TSPAN5: variants seen among roughly 807,000 people sequenced by gnomAD.
TSPAN5 encodes the protein tetraspanin-5.
TSPAN5 carries 10 observed loss-of-function variants against 37.1 expected under a neutral mutation model. That is an observed-to-expected ratio of 0.27 (90% CI 0.17 to 0.46). The LOEUF (loss-of-function observed/expected upper bound fraction) is 0.46. TSPAN5 is among the 20% of genes least tolerant of loss of function. The pLI is 1.00. For missense variants in TSPAN5, 195 were observed against 326.6 expected (o/e 0.60, Z 3.11); for synonymous variants, 110 against 118.9 (o/e 0.93, Z 0.48).
In TSPAN5 at chr4:98,584,810, G is replaced by A. The variant is rs562463329; in HGVS notation, c.81+73336C>T. 2.0e-5 allele frequency among the ~76,000 whole-genome samples: 3 copies of A among 152,312 alleles called. No individual in the cohort carries two copies. The South Asian group carries it at 6.2e-4, about 32-fold the overall frequency. On this transcript the variant is annotated intron_variant, in intron 1 of 7. Transcript: ENST00000305798. ...ACTTCAGAAAAGATGGAGTGACCAA[G>A]AGAATTGAATGTGTCTTGAATGAGA...
chr4:98,499,911 C>T (rs999388877), intron 2 of TSPAN5, among the ~76,000 whole-genome samples: 2 of 151,954 alleles, frequency 1.3e-5, no homozygotes, highest in African/African-American at 2.4e-5. Flanking sequence ...CTGCTCGCCT[C>T]GGCCTCCCAA....
intron 1 of TSPAN5, among the ~76,000 whole-genome samples, chr4:98,531,141 T>C (rs1578971197): frequency 6.6e-6 from 1 of 152,316 alleles, no homozygotes; most frequent in Non-Finnish European, 1.5e-5. Context: ...TACATAGGTA[T>C]ACACATGCCA....
chr4:98,604,060 T>C (rs1422921050), intron 1 of TSPAN5, among the ~76,000 whole-genome samples: 1 of 152,024 alleles, frequency 6.6e-6, no homozygotes, highest in Non-Finnish European at 1.5e-5. Context: ...CTGGAGTGTA[T>C]GAAAACAGGC....
At chr4:98,579,081 G>T (rs1425755065) in intron 1 of TSPAN5, among the ~76,000 whole-genome samples, 3 of 152,068 alleles carry the variant, frequency 2.0e-5, no homozygotes, top group Non-Finnish European at 4.4e-5. Context: ...CTGGTGGGTG[G>T]CTGTCCTCCC....
At chr4:98,557,882 C>T (rs934330966) in intron 1 of TSPAN5, among the ~76,000 whole-genome samples, 1 of 152,138 alleles carries the variant, frequency 6.6e-6, no homozygotes, top group African/African-American at 2.4e-5. Flanking sequence ...CCACAAAATA[C>T]CTAAACACTA....
chr4:98,614,973 T>A (rs1287503087), intron 1 of TSPAN5, among the ~76,000 whole-genome samples: 1 of 152,198 alleles, frequency 6.6e-6, no homozygotes, highest in Non-Finnish European at 1.5e-5. Flanking sequence ...TAGGGCAACA[T>A]ATTTAATTCA....
intron 1 of TSPAN5, among the ~76,000 whole-genome samples, chr4:98,553,204 G>A (rs1754661911): frequency 6.6e-6 from 1 of 152,068 alleles, no homozygotes; most frequent in Non-Finnish European, 1.5e-5. Context: ...CTAATTTGCT[G>A]TCTAAAAGTG....
chr4:98,560,666 G>C (rs900092931), intron 1 of TSPAN5, among the ~76,000 whole-genome samples: 1 of 152,210 alleles, frequency 6.6e-6, no homozygotes, highest in Non-Finnish European at 1.5e-5. Context: ...AGATTCTGTA[G>C]ATAGAACAAT....
intron 1 of TSPAN5, among the ~76,000 whole-genome samples, chr4:98,598,297 G>A (rs1188562430): frequency 3.6e-5 from 5 of 140,358 alleles, no homozygotes; most frequent in Admixed American, 7.1e-5. Flanking sequence ...GCTTCGGCTC[G>A]CGCACGGTGC....
chr4:98,531,966 T>C (rs546278019), intron 1 of TSPAN5, among the ~76,000 whole-genome samples: 2 of 152,222 alleles, frequency 1.3e-5, no homozygotes, highest in Non-Finnish European at 2.9e-5. Context: ...TAGCCCTTTG[T>C]CAGATGGACA....
At chr4:98,595,609 G>A (rs1755745181) in intron 1 of TSPAN5, among the ~76,000 whole-genome samples, 1 of 133,214 alleles carries the variant, frequency 7.5e-6, no homozygotes, top group Non-Finnish European at 1.5e-5. Flanking sequence ...TGCTTTGAAT[G>A]CGTCCCAGAG....
chr4:98,551,447 G>A (rs1333641884), intron 1 of TSPAN5, among the ~76,000 whole-genome samples: 1 of 149,396 alleles, frequency 6.7e-6, no homozygotes, highest in Non-Finnish European at 1.5e-5. Context: ...GTTTCAGGAG[G>A]ATTGGTATTA....
At position 98,554,137 on chromosome 4, in the gene TSPAN5, G is replaced by A. The variant is rs190401633; in HGVS notation, c.82-46409C>T. Among the ~76,000 whole-genome samples, 934 of 152,154 alleles carry A rather than the reference G, an allele frequency of 6.1e-3. 7 individuals carry two copies. The highest frequency in any genetic ancestry group is 0.01 in the Non-Finnish European group (692 of 68,006). Reference sequence around the variant, plus strand: ...AGGTGTTAAATCCTAATAAGGTCTTGCAATCAAGTTTTTCTCAAAGCATAA... The same window carrying A: ...AGGTGTTAAATCCTAATAAGGTCTTACAATCAAGTTTTTCTCAAAGCATAA... On this transcript the variant is annotated intron_variant, in intron 1 of 7. Coordinates refer to ENST00000305798, the MANE Select transcript of TSPAN5 (RefSeq NM_005723.4).
intron 1 of TSPAN5, among the ~76,000 whole-genome samples, chr4:98,513,863 T>A (rs1478915235): frequency 1.9e-5 from 1 of 53,902 alleles, no homozygotes; most frequent in Non-Finnish European, 3.9e-5. Context: ...AAAAAGCAAA[T>A]AGATAGATAG....
At chr4:98,653,512 T>G (rs987532421) in intron 1 of TSPAN5, among the ~76,000 whole-genome samples, 2 of 152,182 alleles carry the variant, frequency 1.3e-5, no homozygotes, top group Admixed American at 1.3e-4. Flanking sequence ...AGTTCTTTCC[T>G]AACAAGTCAC....
At chr4:98,546,371 C>T (rs967922183) in intron 1 of TSPAN5, among the ~76,000 whole-genome samples, 7 of 152,158 alleles carry the variant, frequency 4.6e-5, no homozygotes, top group Admixed American at 1.3e-4. Flanking sequence ...ATAGAAAGGA[C>T]GGATCCCTGA....
chr4:98,477,794 G>A (rs1389052596), intron 5 of TSPAN5, among the ~76,000 whole-genome samples: 1 of 151,730 alleles, frequency 6.6e-6, no homozygotes, highest in Non-Finnish European at 1.5e-5. Flanking sequence ...GAGTAGATGG[G>A]ACCACGGGTG....
At chr4:98,657,995 G>A in intron 1 of TSPAN5, 151 bp downstream of exon 1, 1 of 759,600 alleles carries the variant, frequency 1.3e-6, no homozygotes, top group African/African-American at 1.7e-5. Flanking sequence ...TCTCCAACGC[G>A]CAAGCTGGAA....
At chr4:98,626,886 GTTTTTTTTT>G (rs34770397) in intron 1 of TSPAN5, among the ~76,000 whole-genome samples, 1 of 83,484 alleles carries the variant, frequency 1.2e-5, no homozygotes, top group Admixed American at 1.5e-4. Flanking sequence ...ATGAGAGCAG[GTTTTTTTTT>G]TTTTTTTTTT....
Sources: allele counts gnomAD v4.1 joint callset (sites outside exome capture counted in the v4.1 genomes callset), GRCh38; gene constraint gnomAD v4.1.1; transcripts MANE v1.5; gene names NCBI Gene and HGNC (gene_info 2026-07-23, HGNC 2026-07-21).